The following PTPRD variants were observed in gnomAD, a reference collection of about 807,000 sequenced individuals.
PTPRD encodes the protein receptor-type tyrosine-protein phosphatase delta.
A neutral mutation model predicts 214.5 loss-of-function variants in PTPRD; 34 were observed. The observed-to-expected ratio is 0.16, with a 90% confidence interval of 0.12 to 0.21. The LOEUF is 0.21. PTPRD is among the 10% of genes least tolerant of loss of function. PTPRD has a pLI of 1.00. For synonymous variants in PTPRD, 1,128 were observed against 845.7 expected (o/e 1.33, Z -5.79); for missense variants, 2,545 against 2,398.7 (o/e 1.06, Z -1.27).
intron 9 of PTPRD, among the ~76,000 whole-genome samples, chr9:9,255,576 A>T (rs908153824): frequency 1.3e-5 from 2 of 152,090 alleles, no homozygotes; most frequent in Non-Finnish European, 2.9e-5. Context: ...AAGTGATTAC[A>T]TAAGTGTAAT....
At chr9:10,592,890 G>A (rs920767931) in intron 2 of PTPRD, among the ~76,000 whole-genome samples, 4 of 151,870 alleles carry the variant, frequency 2.6e-5, no homozygotes, top group East Asian at 1.9e-4. Context: ...AGCTGGCCAC[G>A]CTAGCCCAGC....
At chr9:10,213,431 T>C (rs2099526021) in intron 3 of PTPRD, among the ~76,000 whole-genome samples, 1 of 152,082 alleles carries the variant, frequency 6.6e-6, no homozygotes, top group Non-Finnish European at 1.5e-5. Flanking sequence ...CTCCTTCATG[T>C]TCTGTCTTTC....
intron 45 of PTPRD, among the ~76,000 whole-genome samples, chr9:8,318,366 A>C (rs924597682): frequency 1.3e-5 from 2 of 152,132 alleles, no homozygotes; most frequent in Non-Finnish European, 2.9e-5. Context: ...AGAGAGGCTG[A>C]TACAGACACA....
intron 3 of PTPRD, among the ~76,000 whole-genome samples, chr9:10,055,742 G>A (rs1158622466): frequency 1.3e-5 from 2 of 151,786 alleles, no homozygotes; most frequent in African/African-American, 4.8e-5. Flanking sequence ...GCACCCAGAA[G>A]AAAAAGCTAG....
At chr9:9,113,192 T>C (rs538572959) in intron 10 of PTPRD, among the ~76,000 whole-genome samples, 4 of 152,010 alleles carry the variant, frequency 2.6e-5, no homozygotes, top group African/African-American at 7.2e-5. Flanking sequence ...CCCAGACTGG[T>C]CTCAAATCCT....
chr9:10,186,243 T>C (rs1345757317), intron 3 of PTPRD, among the ~76,000 whole-genome samples: 1 of 152,118 alleles, frequency 6.6e-6, no homozygotes, highest in East Asian at 1.9e-4. Context: ...CTCCCACAGT[T>C]GACCTATATG....
At chr9:10,506,877 T>C (rs557754557) in intron 2 of PTPRD, among the ~76,000 whole-genome samples, 1 of 152,258 alleles carries the variant, frequency 6.6e-6, no homozygotes, top group Non-Finnish European at 1.5e-5. Flanking sequence ...TCCACAGAGA[T>C]AATGTACCCT....
intron 3 of PTPRD, among the ~76,000 whole-genome samples, chr9:10,271,549 C>CGTT (rs538558545): frequency 7.8e-5 from 4 of 51,570 alleles, no homozygotes; most frequent in African/African-American, 1.8e-4. Context: ...CTTTTCTTTT[C>CGTT]TTTTTTTTTT....
chr9:10,042,173 G>T (rs532046528), intron 3 of PTPRD, among the ~76,000 whole-genome samples: 1 of 151,910 alleles, frequency 6.6e-6, no homozygotes, highest in Admixed American at 6.6e-5. Context: ...GCATATAAAA[G>T]ATAAGAGCAA....
At chr9:10,356,946 G>A (rs947624058) in intron 2 of PTPRD, among the ~76,000 whole-genome samples, 6 of 152,034 alleles carry the variant, frequency 3.9e-5, no homozygotes, top group African/African-American at 1.4e-4. Context: ...CTCCCAAAGT[G>A]CTGGGATTAC....
rs370898843 is a variant in PTPRD, at chr9:10,160,057, A to C, written c.-544-126267T>G. On this transcript the variant is annotated intron_variant, in intron 3 of 45. Coordinates refer to ENST00000381196, the MANE Select transcript of PTPRD (RefSeq NM_002839.4). ...AAGTCATAGAGTGGCTGAATGGATA[A>C]AGAAACAAGATCTAAATATTTAATG... is the stretch of plus-strand genomic sequence containing the variant. Among the ~76,000 whole-genome samples the C allele has an allele frequency of 6.6e-5, 10 of 152,046 alleles. No homozygotes were observed. In the East Asian group the frequency reaches 1.5e-3, roughly 23 times the overall value.
chr9:8,363,310 A>C (rs1438014414), intron 39 of PTPRD, among the ~76,000 whole-genome samples: 1 of 152,220 alleles, frequency 6.6e-6, no homozygotes, highest in African/African-American at 2.4e-5. Flanking sequence ...ACATAGGTCA[A>C]ATCTCAATAT....
chr9:9,704,298 TA>T (rs375447945), intron 7 of PTPRD, among the ~76,000 whole-genome samples: 128 of 148,684 alleles, frequency 8.6e-4, no homozygotes, highest in African/African-American at 2.8e-3. Flanking sequence ...TGCAGCTCAC[TA>T]AAAAAAAAAT....
At chr9:8,761,606 T>C (rs560850450) in intron 11 of PTPRD, among the ~76,000 whole-genome samples, 3 of 152,240 alleles carry the variant, frequency 2.0e-5, no homozygotes, top group East Asian at 1.9e-4. Flanking sequence ...ATCAAATGTG[T>C]CTCCTAAGGA....
intron 3 of PTPRD, among the ~76,000 whole-genome samples, chr9:10,156,461 T>C (rs551610585): frequency 6.6e-6 from 1 of 152,270 alleles, no homozygotes; most frequent in African/African-American, 2.4e-5. Context: ...ATTTCTTTAG[T>C]CTTGATTTCT....
chr9:10,468,616 C>T (rs13298468), intron 2 of PTPRD, among the ~76,000 whole-genome samples: 3 of 152,198 alleles, frequency 2.0e-5, no homozygotes, highest in South Asian at 2.1e-4. Context: ...CCTGCACATT[C>T]TGCACATGTA....
chr9:8,453,924 A>T (rs959187130), intron 33 of PTPRD, among the ~76,000 whole-genome samples: 1 of 152,180 alleles, frequency 6.6e-6, no homozygotes, highest in African/African-American at 2.4e-5. Context: ...TTTGTAGTTT[A>T]ATTTTAATCG....
chr9:10,554,911 G>GTCTT (rs1566909341), intron 2 of PTPRD, among the ~76,000 whole-genome samples: 1 of 151,972 alleles, frequency 6.6e-6, no homozygotes, highest in African/African-American at 2.4e-5. Flanking sequence ...CCGCCCACCT[G>GTCTT]GGCCTCCCAA....
intron 8 of PTPRD, among the ~76,000 whole-genome samples, chr9:9,405,938 T>C (rs1242010754): frequency 6.6e-6 from 1 of 151,994 alleles, no homozygotes; most frequent in Non-Finnish European, 1.5e-5. Context: ...TTTCTGCATG[T>C]TTACTAATCT....
Sources: gnomAD v4.1 joint callset for allele counts (sites outside exome capture counted in the v4.1 genomes callset) on GRCh38, gnomAD v4.1.1 for gene constraint, MANE v1.5 for transcripts, NCBI Gene and HGNC (gene_info 2026-07-23, HGNC 2026-07-21) for gene names.